The following PCDHGA12 variants were observed in gnomAD, a reference collection of about 807,000 sequenced individuals.
PCDHGA12 encodes protocadherin gamma subfamily A, 12, also known as protocadherin gamma-A12.
Under a neutral mutation model 61.1 loss-of-function variants are expected in PCDHGA12, and 43 were observed. The ratio of observed to expected loss-of-function variants is 0.70; its 90% CI spans 0.55 to 0.91. PCDHGA12 has a LOEUF of 0.91. Among genes scored for constraint, PCDHGA12 ranks in the 40% least tolerant of loss-of-function variants. The pLI is 0.00. For missense variants in PCDHGA12, 1,236 were observed against 1,227.7 expected, an observed-to-expected ratio of 1.01 and a Z score of -0.10; for synonymous variants, 520 against 542.9, an observed-to-expected ratio of 0.96 and a Z score of 0.59.
chr5:141,472,623 TAA>T (rs2099291037), intron 1 of PCDHGA12, among the ~76,000 whole-genome samples: 1 of 152,018 alleles, frequency 6.6e-6, no homozygotes, highest in Non-Finnish European at 1.5e-5. Context: ...AGAAAAAAGA[TAA>T]AGACTGGGAA....
At chr5:141,484,801 A>G (rs1285617622) in intron 1 of PCDHGA12, among the ~76,000 whole-genome samples, 3 of 152,024 alleles carry the variant, frequency 2.0e-5, no homozygotes, top group African/African-American at 7.2e-5. Flanking sequence ...CAACCCGTGG[A>G]AAAACATGCC....
At chr5:141,478,941 A>C (rs889484528) in intron 1 of PCDHGA12, 9 of 589,470 alleles carry the variant, frequency 1.5e-5, no homozygotes, top group Non-Finnish European at 2.0e-5. Context: ...TTCTAGGAAT[A>C]CAAAAACTAC....
Position 141,439,149 on chromosome 5 carries a change from C to T in PCDHGA12, c.2424+5966C>T, listed in dbSNP as rs543388568. Reference sequence around the variant, plus strand: ...CAGAGGTTGCAGTGAGCTGAGATCACGCCACTGCACTCCAGCCTGGGCGAC... The same window carrying T: ...CAGAGGTTGCAGTGAGCTGAGATCATGCCACTGCACTCCAGCCTGGGCGAC... On this transcript the variant is annotated intron_variant, in intron 1 of 3. Transcript: ENST00000252085. Among the ~76,000 whole-genome samples, 165 of 150,018 alleles carry T rather than the reference C, an allele frequency of 1.1e-3. 1 individual carries two copies. In the Middle Eastern group the frequency reaches 0.017, roughly 16 times the overall value.
chr5:141,505,089 G>A (rs1562219081), intron 2 of PCDHGA12, among the ~76,000 whole-genome samples: 1 of 152,208 alleles, frequency 6.6e-6, no homozygotes, highest in Non-Finnish European at 1.5e-5. Context: ...TTGAACCCAG[G>A]AGGTGGATGT....
chr5:141,464,898 C>T (rs969877255), intron 1 of PCDHGA12, among the ~76,000 whole-genome samples: 4 of 151,958 alleles, frequency 2.6e-5, no homozygotes, highest in African/African-American at 4.8e-5. Flanking sequence ...GCCACCATGT[C>T]CAGCTAATTT....
At chr5:141,433,854 A>T (rs2097660850) in intron 1 of PCDHGA12, among the ~76,000 whole-genome samples, 1 of 151,852 alleles carries the variant, frequency 6.6e-6, no homozygotes, top group African/African-American at 2.4e-5. Context: ...AAAAAAAAAA[A>T]ACTTTATCCT....
chr5:141,458,463 C>T (rs749353395), intron 1 of PCDHGA12, among the ~76,000 whole-genome samples: 15 of 151,844 alleles, frequency 9.9e-5, no homozygotes, highest in Admixed American at 8.5e-4. Flanking sequence ...TTTAAAATAC[C>T]GTACAACTGC....
chr5:141,487,423 C>T lies in PCDHGA12; in HGVS notation c.2425-7384C>T. 1 of 1,614,158 alleles carries T rather than the reference C, an allele frequency of 6.2e-7. No homozygotes were observed. Among genetic ancestry groups the T allele is most frequent in the Non-Finnish European group, 8.5e-7 (1 of 1,180,012 alleles). On this transcript the variant is annotated intron_variant, in intron 1 of 3. Transcript: ENST00000252085. The surrounding 1 kb of genome is among the most constrained non-coding windows in gnomAD (Gnocchi z 5.0). ...GGCTTCCCCCTTCCAATGGGATCCTCCGAATCCAGCTAGGGTCAGATGACC... is the reference window on the plus strand; with the variant it reads ...GGCTTCCCCCTTCCAATGGGATCCTTCGAATCCAGCTAGGGTCAGATGACC...
At chr5:141,464,682 T>C (rs1442997972) in intron 1 of PCDHGA12, among the ~76,000 whole-genome samples, 1 of 152,132 alleles carries the variant, frequency 6.6e-6, no homozygotes, top group Non-Finnish European at 1.5e-5. Flanking sequence ...TTAATTAAAA[T>C]TTCTCTTATT....
intron 1 of PCDHGA12, among the ~76,000 whole-genome samples, chr5:141,459,334 A>G (rs987526492): frequency 5.9e-5 from 9 of 152,116 alleles, no homozygotes; most frequent in Admixed American, 1.3e-4. Flanking sequence ...TTTTACTCCA[A>G]AGTTCTTGAA....
rs2099745664 is a variant in PCDHGA12 at position 141,493,015 on chromosome 5, T to A, written c.2425-1792T>A. Among the ~76,000 whole-genome samples, 1 of 152,238 alleles carries A rather than the reference T, an allele frequency of 6.6e-6. No homozygotes were observed. The highest frequency in any genetic ancestry group is 1.5e-5 in the Non-Finnish European group (1 of 68,040). ...ATGGAAAGCTATAGGCTCTGCCAGA[T>A]GCCAGGGTGCCCTTATGTGTGAGGA... On this transcript the variant is annotated intron_variant, in intron 1 of 3. Transcript: ENST00000252085. The surrounding 1 kb of genome is among the most constrained non-coding windows in gnomAD (Gnocchi z 4.3).
At chr5:141,500,840 C>G (rs1394248251) in intron 2 of PCDHGA12, among the ~76,000 whole-genome samples, 1 of 151,966 alleles carries the variant, frequency 6.6e-6, no homozygotes, top group Non-Finnish European at 1.5e-5. Context: ...TGCTAATGGG[C>G]TTTTGCTACA....
chr5:141,456,463 G>A (rs1195450847), intron 1 of PCDHGA12, among the ~76,000 whole-genome samples: 1 of 152,122 alleles, frequency 6.6e-6, no homozygotes, highest in Non-Finnish European at 1.5e-5. Context: ...ATCAATACAA[G>A]ACATATAAGC....
At chr5:141,497,691 C>T (rs2099778682) in intron 2 of PCDHGA12, among the ~76,000 whole-genome samples, 1 of 152,066 alleles carries the variant, frequency 6.6e-6, no homozygotes, top group African/African-American at 2.4e-5. Flanking sequence ...AGGTGTGCAC[C>T]ACCACACCCA....
chr5:141,474,837 C>T (rs1250443544), intron 1 of PCDHGA12, among the ~76,000 whole-genome samples: 2 of 152,214 alleles, frequency 1.3e-5, no homozygotes, highest in Admixed American at 6.5e-5. Flanking sequence ...CTGTGCCAGG[C>T]ACTTTACCTG....
chr5:141,483,736 G>A (rs1296877404), intron 1 of PCDHGA12, among the ~76,000 whole-genome samples: 1 of 152,110 alleles, frequency 6.6e-6, no homozygotes, highest in Non-Finnish European at 1.5e-5. Flanking sequence ...ATAGTCAAAA[G>A]GATATTCCTG....
At chr5:141,443,093 C>T (rs1316602934) in intron 1 of PCDHGA12, among the ~76,000 whole-genome samples, 2 of 151,940 alleles carry the variant, frequency 1.3e-5, no homozygotes, top group African/African-American at 4.8e-5. Flanking sequence ...CAGTCTCCTT[C>T]TCAAGCTGAA....
rs1345224043 is a variant in PCDHGA12, at chr5:141,487,695, C to G, written c.2425-7112C>G. Reference sequence around the variant, plus strand: ...TGGCTAGGCCATGTCCTAGAGAGTACTGGCCTCTCAGTAAGTGCCCATAGT... The same window carrying G: ...TGGCTAGGCCATGTCCTAGAGAGTAGTGGCCTCTCAGTAAGTGCCCATAGT... On this transcript the variant is annotated intron_variant, in intron 1 of 3. Transcript: ENST00000252085. The surrounding 1 kb of genome is among the most constrained non-coding windows in gnomAD (Gnocchi z 5.0). 1 of 1,601,306 alleles carries G rather than the reference C, an allele frequency of 6.2e-7. No individual in the cohort carries two copies.
chr5:141,494,142 A>AAGACAACT (rs2099752181), intron 1 of PCDHGA12, among the ~76,000 whole-genome samples: 5 of 152,090 alleles, frequency 3.3e-5, no homozygotes, highest in Admixed American at 6.5e-5. Context: ...TTAGTCACAG[A>AAGACAACT]CCATTGTCTG....
Sources: allele counts gnomAD v4.1 joint callset (sites outside exome capture counted in the v4.1 genomes callset), GRCh38; gene constraint gnomAD v4.1.1; non-coding constraint Gnocchi (gnomAD v3.1); transcripts MANE v1.5; gene names NCBI Gene and HGNC (gene_info 2026-07-23, HGNC 2026-07-21).